Variants in NCKAP5 observed in about 807,000 individuals in gnomAD.
The protein encoded by NCKAP5 is NCK associated protein 5, also known as nck-associated protein 5.
Under a neutral mutation model 167.0 loss-of-function variants are expected in NCKAP5, and 92 were observed. The ratio of observed to expected loss-of-function variants is 0.55; its 90% CI spans 0.47 to 0.66. The LOEUF is 0.66. Among genes scored for constraint, NCKAP5 ranks in the 30% least tolerant of loss-of-function variants. NCKAP5 has a pLI of 0.00. For synonymous variants in NCKAP5, 891 were observed against 877.4 expected (o/e 1.02, Z -0.27); for missense variants, 2,378 against 2,315.0 (o/e 1.03, Z -0.56).
At chr2:133,398,316 G>A (rs1687884568) in intron 3 of NCKAP5, among the ~76,000 whole-genome samples, 1 of 152,184 alleles carries the variant, frequency 6.6e-6, no homozygotes. Context: ...CCTAATGCAT[G>A]CAGGGCTTAA....
intron 3 of NCKAP5, among the ~76,000 whole-genome samples, chr2:133,345,993 G>A (rs991656093): frequency 6.6e-6 from 1 of 152,180 alleles, no homozygotes; most frequent in African/African-American, 2.4e-5. Context: ...GCAGCAGGAA[G>A]TGTTTATTCA....
At chr2:133,008,798 C>T (rs1248247739) in intron 6 of NCKAP5, among the ~76,000 whole-genome samples, 2 of 152,172 alleles carry the variant, frequency 1.3e-5, no homozygotes, top group African/African-American at 4.8e-5. Context: ...CAAAACAAAA[C>T]AAAACAAAAA....
intron 5 of NCKAP5, among the ~76,000 whole-genome samples, chr2:133,206,108 G>C (rs72985630): frequency 0.12 from 18,437 of 152,104 alleles, 1,449 homozygotes; most frequent in African/African-American, 0.22. Flanking sequence ...AGGCGTTCTA[G>C]TCTGGTTATG....
chr2:133,376,187 G>A (rs1226728992), intron 3 of NCKAP5, among the ~76,000 whole-genome samples: 1 of 152,164 alleles, frequency 6.6e-6, no homozygotes, highest in Non-Finnish European at 1.5e-5. Context: ...AATACATGAT[G>A]GCTGTCATCT....
intron 6 of NCKAP5, among the ~76,000 whole-genome samples, chr2:132,996,102 T>G (rs1265895194): frequency 6.6e-6 from 1 of 152,224 alleles, no homozygotes. Context: ...AGCTCCATTA[T>G]AGTTTTAAGA....
intron 6 of NCKAP5, among the ~76,000 whole-genome samples, chr2:133,113,661 C>A (rs899952882): frequency 6.6e-6 from 1 of 152,176 alleles, no homozygotes; most frequent in African/African-American, 2.4e-5. Flanking sequence ...GAATTTGTTT[C>A]CAAATGGGCC....
At chr2:133,344,385 G>A (rs1683813464) in intron 3 of NCKAP5, among the ~76,000 whole-genome samples, 1 of 149,338 alleles carries the variant, frequency 6.7e-6, no homozygotes, top group South Asian at 2.1e-4. Flanking sequence ...TCCAGCCTGG[G>A]CGACAAAGTG....
At chr2:132,807,077 G>T (rs953036005) in intron 11 of NCKAP5, among the ~76,000 whole-genome samples, 2 of 151,996 alleles carry the variant, frequency 1.3e-5, no homozygotes, top group Admixed American at 1.3e-4. Flanking sequence ...TAAGTATTTG[G>T]GTTTATTTCT....
chr2:133,468,667 G>A (rs912072420), intron 3 of NCKAP5, among the ~76,000 whole-genome samples: 16 of 152,184 alleles, frequency 1.1e-4, no homozygotes, highest in African/African-American at 3.6e-4. Context: ...AGGTCACTCA[G>A]GAGTTGCTTT....
chr2:133,216,940 A>G (rs1376197580), intron 4 of NCKAP5, among the ~76,000 whole-genome samples: 3 of 152,114 alleles, frequency 2.0e-5, no homozygotes, highest in Non-Finnish European at 4.4e-5. Context: ...AACTTCGCAA[A>G]ACATGTATTT....
chr2:133,155,380 G>C (rs2083535698), intron 5 of NCKAP5, among the ~76,000 whole-genome samples: 1 of 152,140 alleles, frequency 6.6e-6, no homozygotes, highest in Non-Finnish European at 1.5e-5. Context: ...CTGGGATGGG[G>C]CTGAGAATCT....
intron 3 of NCKAP5, among the ~76,000 whole-genome samples, chr2:133,395,585 A>G (rs931045642): frequency 2.0e-5 from 3 of 152,210 alleles, no homozygotes; most frequent in Admixed American, 1.3e-4. Context: ...TCCTATGTTC[A>G]TCTAAATACC....
intron 3 of NCKAP5, among the ~76,000 whole-genome samples, chr2:133,385,187 C>A (rs1443849903): frequency 6.6e-6 from 1 of 152,148 alleles, no homozygotes; most frequent in Non-Finnish European, 1.5e-5. Flanking sequence ...GTGGGTCTGT[C>A]ATAAATAGCT....
intron 6 of NCKAP5, chr2:133,117,892 G>A (rs2082131580): frequency 1.3e-5 from 2 of 152,188 alleles, no homozygotes; most frequent in Admixed American, 1.3e-4. Flanking sequence ...AGATGCAAGC[G>A]AATGATGCAG....
intron 3 of NCKAP5, among the ~76,000 whole-genome samples, chr2:133,348,532 T>A (rs1179219060): frequency 6.6e-6 from 1 of 152,122 alleles, no homozygotes; most frequent in East Asian, 1.9e-4. Context: ...AACATCACCA[T>A]GTTTTCACAT....
At chr2:132,969,305 T>G (rs1166519387) in intron 7 of NCKAP5, among the ~76,000 whole-genome samples, 2 of 152,172 alleles carry the variant, frequency 1.3e-5, no homozygotes, top group African/African-American at 2.4e-5. Flanking sequence ...CCCAAAGTGC[T>G]GGATTACAGG....
chr2:133,588,937 G>A, the NCKAP5 span, among the ~76,000 whole-genome samples: 1 of 152,180 alleles, frequency 6.6e-6, no homozygotes, highest in Non-Finnish European at 1.5e-5. Flanking sequence ...TGTGCCTTTG[G>A]GGAGGGAATG....
chr2:133,191,189 C>G (rs952490363), intron 5 of NCKAP5, among the ~76,000 whole-genome samples: 1 of 152,090 alleles, frequency 6.6e-6, no homozygotes, highest in African/African-American at 2.4e-5. Flanking sequence ...TCATCACTGG[C>G]CATCAGAAAA....
chr2:132,864,746 A>G (rs987951947), intron 10 of NCKAP5, among the ~76,000 whole-genome samples: 3 of 152,140 alleles, frequency 2.0e-5, no homozygotes, highest in African/African-American at 7.2e-5. Context: ...GTCATTGAAA[A>G]CTATTTAAAT....
Sources: gnomAD v4.1 joint callset for allele counts (sites outside exome capture counted in the v4.1 genomes callset) on GRCh38, gnomAD v4.1.1 for gene constraint, MANE v1.5 for transcripts, NCBI Gene and HGNC (gene_info 2026-07-23, HGNC 2026-07-21) for gene names.